Variants in KAZN observed in about 807,000 individuals in gnomAD.
The protein encoded by KAZN is kazrin, periplakin interacting protein.
Under a neutral mutation model 87.4 loss-of-function variants are expected in KAZN, and 40 were observed. The ratio of observed to expected loss-of-function variants is 0.46; its 90% CI spans 0.36 to 0.60. The LOEUF is 0.60. Ranked by LOEUF, KAZN falls within the 20% of genes least tolerant of loss-of-function variation. The pLI is 0.00. For synonymous variants in KAZN, 466 were observed against 458.3 expected (o/e 1.02, Z -0.22); for missense variants, 898 against 1,073.9 (o/e 0.84, Z 2.29).
At chr1:14,159,756 T>C (rs1645670846) in intron 1 of KAZN, among the ~76,000 whole-genome samples, 1 of 152,194 alleles carries the variant, frequency 6.6e-6, no homozygotes. Flanking sequence ...TGACCCAAGG[T>C]CCTTGATGTA....
intron 1 of KAZN, among the ~76,000 whole-genome samples, chr1:14,618,256 A>C (rs533216551): frequency 2.0e-5 from 3 of 152,350 alleles, no homozygotes; most frequent in South Asian, 4.1e-4. Flanking sequence ...AGGATTTGAC[A>C]TGAAAAGGCC....
intron 1 of KAZN, among the ~76,000 whole-genome samples, chr1:13,959,800 G>A (rs1294097579): frequency 6.6e-6 from 1 of 152,114 alleles, no homozygotes; most frequent in Non-Finnish European, 1.5e-5. Flanking sequence ...TAGATTGTGA[G>A]CTCCTTGTGC....
At chr1:14,740,809 C>A (rs1644072857) in intron 1 of KAZN, among the ~76,000 whole-genome samples, 1 of 152,222 alleles carries the variant, frequency 6.6e-6, no homozygotes, top group Non-Finnish European at 1.5e-5. Flanking sequence ...AGCCCCCAAA[C>A]AGGAAAGATT....
At chr1:14,091,928 A>G (rs1472804887) in intron 1 of KAZN, among the ~76,000 whole-genome samples, 2 of 152,132 alleles carry the variant, frequency 1.3e-5, no homozygotes, top group Non-Finnish European at 1.5e-5. Flanking sequence ...CACGCTAACA[A>G]TGTGAAAATG....
chr1:15,066,902 T>C lies in KAZN; in HGVS notation c.1222+1149T>C, dbSNP rs762172419. ...CCAGAGCTCCCTCCAGGCCTTTCTCTATATATTTATTTATCTGACATACAG... is the reference window on the plus strand; with the variant it reads ...CCAGAGCTCCCTCCAGGCCTTTCTCCATATATTTATTTATCTGACATACAG... On this transcript the variant is annotated intron_variant, in intron 8 of 14. Coordinates refer to ENST00000376030, the MANE Select transcript of KAZN (RefSeq NM_201628.3). The surrounding 1 kb of genome is among the most constrained non-coding windows in gnomAD (Gnocchi z 4.3). The C allele has an allele frequency of 7.1e-6, 7 of 985,456 alleles. No individual in the cohort carries two copies. The highest frequency in any genetic ancestry group is 8.4e-6 in the Non-Finnish European group (7 of 829,946). The allele number at this position is 985,456 out of a possible 1,614,324, so 61.0% of individuals were successfully genotyped here.
intron 1 of KAZN, among the ~76,000 whole-genome samples, chr1:14,776,145 G>T (rs1645169533): frequency 6.6e-6 from 1 of 152,210 alleles, no homozygotes; most frequent in African/African-American, 2.4e-5. Context: ...AAGTAGCTGG[G>T]ATTACAGGCT....
chr1:14,868,122 G>A (rs1398238835), intron 1 of KAZN, among the ~76,000 whole-genome samples: 1 of 151,666 alleles, frequency 6.6e-6, no homozygotes, highest in Non-Finnish European at 1.5e-5. Flanking sequence ...GCATACACGG[G>A]CATCACATAG....
At chr1:14,874,852 GA>G (rs912101464) in intron 1 of KAZN, among the ~76,000 whole-genome samples, 14 of 151,560 alleles carry the variant, frequency 9.2e-5, no homozygotes, top group Non-Finnish European at 1.6e-4. Flanking sequence ...AAAATGAGAG[GA>G]AAAAAAACTA....
chr1:14,501,385 C>T (rs1670243332), intron 2 of KAZN, among the ~76,000 whole-genome samples: 1 of 152,024 alleles, frequency 6.6e-6, no homozygotes, highest in Non-Finnish European at 1.5e-5. Context: ...TACTCAAAAC[C>T]ATCAGAATTA....
intron 2 of KAZN, among the ~76,000 whole-genome samples, chr1:14,234,548 TATAATA>T (rs532271975): frequency 1.1e-4 from 17 of 151,918 alleles, no homozygotes; most frequent in Non-Finnish European, 2.1e-4. Context: ...GAACTTAAAG[TATAATA>T]ATAATAATAA....
At chr1:14,821,339 C>A (rs561578450) in intron 1 of KAZN, among the ~76,000 whole-genome samples, 2 of 152,056 alleles carry the variant, frequency 1.3e-5, no homozygotes, top group East Asian at 1.9e-4. Context: ...CATGGTGAAA[C>A]CCTGTCTCTA....
chr1:14,302,994 A>C (rs890188574), intron 2 of KAZN, among the ~76,000 whole-genome samples: 2 of 152,094 alleles, frequency 1.3e-5, no homozygotes, highest in African/African-American at 4.8e-5. Flanking sequence ...CATTTTTGTT[A>C]TGTCTTTGCC....
chr1:14,624,422 A>G (rs979806668), intron 1 of KAZN, among the ~76,000 whole-genome samples: 10 of 144,802 alleles, frequency 6.9e-5, no homozygotes, highest in Non-Finnish European at 1.3e-4. Flanking sequence ...ACTCCGTCTC[A>G]AGAAAAAAAA....
Position 14,265,719 on chromosome 1 carries a change from A to G in KAZN, c.249+85127A>G, listed in dbSNP as rs577507012. Among the ~76,000 whole-genome samples, 3 of 152,318 alleles carry G rather than the reference A, an allele frequency of 2.0e-5. No individual in the cohort carries two copies. In the East Asian group the frequency reaches 5.8e-4, roughly 29 times the overall value. ...GACTCAGGAAGGAACAGATGCAGAG[A>G]ATGATTAAGTAATTCATCAAAGATG... On this transcript the variant is annotated intron_variant, in intron 2 of 16. Coordinates refer to the KAZN transcript ENST00000636203.
At position 14,599,336 on chromosome 1, in the gene KAZN, T is replaced by C; in HGVS notation, c.226+113T>C. 8.8e-7 allele frequency: 1 copy of C among 1,136,734 alleles called. No homozygotes were observed. The highest frequency in any genetic ancestry group is 1.1e-6 in the Non-Finnish European group (1 of 899,136). The allele number at this position is 1,136,734 out of a possible 1,614,324, so 70.4% of individuals were successfully genotyped here. ...CCCGGGGCGAAATCGCTTTGCATTCTGGCTTGTAACCCTTTCCGCCCGGCG... is the reference window on the plus strand; with the variant it reads ...CCCGGGGCGAAATCGCTTTGCATTCCGGCTTGTAACCCTTTCCGCCCGGCG... On this transcript the variant is annotated intron_variant, in intron 1 of 14. Transcript: ENST00000376030. The surrounding 1 kb of genome is among the most constrained non-coding windows in gnomAD (Gnocchi z 4.4).
intron 2 of KAZN, among the ~76,000 whole-genome samples, chr1:14,306,912 AG>A (rs1273017193): frequency 6.6e-6 from 1 of 152,208 alleles, no homozygotes; most frequent in East Asian, 1.9e-4. Context: ...TCAGAGGCTT[AG>A]GTGTGAAAAA....
At chr1:15,070,368 C>A (rs1192519617) in intron 8 of KAZN, among the ~76,000 whole-genome samples, 1 of 152,226 alleles carries the variant, frequency 6.6e-6, no homozygotes, top group African/African-American at 2.4e-5. Context: ...AAACCGGCTG[C>A]TGTCCAGCAC....
chr1:14,701,795 TCAAAA>T (rs548204471), intron 1 of KAZN, among the ~76,000 whole-genome samples: 144 of 152,194 alleles, frequency 9.5e-4, no homozygotes, highest in African/African-American at 3.3e-3. Flanking sequence ...AGACCCTGTC[TCAAAA>T]CAAACAAACA....
At chr1:14,760,118 A>T (rs1288416794) in intron 1 of KAZN, among the ~76,000 whole-genome samples, 1 of 152,124 alleles carries the variant, frequency 6.6e-6, no homozygotes, top group Non-Finnish European at 1.5e-5. Context: ...GTTCAGGCTG[A>T]GGTTCCCCCA....
Sources: gnomAD v4.1 joint callset for allele counts (sites outside exome capture counted in the v4.1 genomes callset) on GRCh38, gnomAD v4.1.1 for gene constraint, Gnocchi (gnomAD v3.1) non-coding constraint, MANE v1.5 for transcripts, NCBI Gene and HGNC (gene_info 2026-07-23, HGNC 2026-07-21) for gene names.